The following FRMD4B variants were observed in gnomAD, a reference collection of about 807,000 sequenced individuals.
FRMD4B encodes the protein FERM domain containing 4B.
In FRMD4B, 74 loss-of-function variants were observed where a neutral mutation model predicts 141.5. The observed-to-expected ratio is 0.52, with a 90% CI of 0.43 to 0.63. FRMD4B has a LOEUF of 0.63. FRMD4B is among the 30% of genes least tolerant of loss of function. The pLI is 0.00. For missense variants in FRMD4B, 1,366 were observed against 1,253.4 expected, an observed-to-expected ratio of 1.09 and a Z score of -1.36; for synonymous variants, 506 against 467.9, an observed-to-expected ratio of 1.08 and a Z score of -1.05.
intron 1 of FRMD4B, among the ~76,000 whole-genome samples, chr3:69,515,305 C>T (rs9823630): frequency 0.59 from 90,308 of 152,066 alleles, 28,747 homozygotes; most frequent in African/African-American, 0.85. Context: ...CCTCCTACGT[C>T]GGGGATTACA....
At chr3:69,172,879 T>C (rs944565119) in intron 22 of FRMD4B, among the ~76,000 whole-genome samples, 1 of 152,246 alleles carries the variant, frequency 6.6e-6, no homozygotes, top group South Asian at 2.1e-4. Context: ...AGGTGATTTT[T>C]TTTTTAAAGT....
chr3:69,371,268 G>A (rs1321399441), intron 1 of FRMD4B, among the ~76,000 whole-genome samples: 1 of 152,246 alleles, frequency 6.6e-6, no homozygotes, highest in Non-Finnish European at 1.5e-5. Flanking sequence ...GGGACAGCAA[G>A]GAGGCCAGGG....
chr3:69,247,281 C>T (rs553240208), intron 7 of FRMD4B, among the ~76,000 whole-genome samples: 1 of 152,210 alleles, frequency 6.6e-6, no homozygotes, highest in South Asian at 2.1e-4. Flanking sequence ...ACAGCCTTGA[C>T]TGGGGCTAAG....
chr3:69,198,659 A>T (rs1307557100), intron 12 of FRMD4B, 39 bp downstream of exon 12: 11 of 953,626 alleles, frequency 1.2e-5, no homozygotes, highest in Admixed American at 2.0e-5. Flanking sequence ...TTATTTGTAT[A>T]GTAACTGTGT....
chr3:69,203,461 C>T (rs1166043744), intron 11 of FRMD4B, among the ~76,000 whole-genome samples: 2 of 151,884 alleles, frequency 1.3e-5, no homozygotes, highest in Non-Finnish European at 2.9e-5. Context: ...ATTTCTTTTC[C>T]ATCAACAGAT....
intron 1 of FRMD4B, among the ~76,000 whole-genome samples, chr3:69,350,826 G>C (rs1446842506): frequency 1.2e-4 from 17 of 143,730 alleles, no homozygotes; most frequent in Admixed American, 1.1e-3. Flanking sequence ...GCCTGCCTTG[G>C]GGTGTGGGGA....
rs577805704 is a variant in FRMD4B at position 69,317,549 on chromosome 3, C to T, written c.163-4032G>A. 8.5e-5 allele frequency among the ~76,000 whole-genome samples: 13 copies of T among 152,102 alleles called. No homozygotes were observed. In the South Asian group the frequency reaches 2.1e-3, roughly 24 times the overall value. On this transcript the variant is annotated intron_variant, in intron 1 of 22. Transcript: ENST00000398540. ...ATCACTTGAGGTCAGAAGTTCTAAA[C>T]CAGCCTGGCCAACATGGTAATGGTA...
intron 13 of FRMD4B, chr3:69,196,698 G>T: frequency 1.7e-6 from 1 of 577,888 alleles, no homozygotes; most frequent in Non-Finnish European, 3.0e-6. Context: ...CCAAAAAGTT[G>T]GCCAGTCTTA....
chr3:69,177,861 C>T (rs2092664559), intron 21 of FRMD4B, among the ~76,000 whole-genome samples: 1 of 152,040 alleles, frequency 6.6e-6, no homozygotes, highest in South Asian at 2.1e-4. Flanking sequence ...CCAAAGACAA[C>T]ACTGGCCGCT....
At position 69,176,638 on chromosome 3, in the gene FRMD4B, G is replaced by T; in HGVS notation, c.2870C>A (p.Ser957Tyr). ...SYSSVSSTNA[S>Y]GNWRTQLTIG... is the part of the protein sequence containing the mutation. ...GGTTAACTGGGTCCTCCAGTTCCCA[G>T]AAGCATTTGTAGAAGACACTGGAAA... The change falls in exon 22 of 23, where the codon TCT (serine) becomes TAT (tyrosine). Residue 957 changes from serine to tyrosine, a missense_variant. Transcript: ENST00000398540. 1 of 1,603,230 alleles carries T rather than the reference G, an allele frequency of 6.2e-7. No homozygotes were observed. Among genetic ancestry groups the T allele is most frequent in the Non-Finnish European group, 8.5e-7 (1 of 1,170,388 alleles).
intron 21 of FRMD4B, among the ~76,000 whole-genome samples, chr3:69,180,463 C>A (rs2092693854): frequency 6.6e-6 from 1 of 151,976 alleles, no homozygotes; most frequent in Non-Finnish European, 1.5e-5. Context: ...AGGGTTTATT[C>A]TTTTAAAATA....
At chr3:69,258,878 T>C (rs765794938) in intron 5 of FRMD4B, among the ~76,000 whole-genome samples, 11 of 152,170 alleles carry the variant, frequency 7.2e-5, no homozygotes, top group East Asian at 1.9e-4. Context: ...ATCTGCAAAA[T>C]AGAAGATAAT....
At chr3:69,407,989 C>G (rs17005847) in intron 2 of FRMD4B, among the ~76,000 whole-genome samples, 45,559 of 151,972 alleles carry the variant, frequency 0.3, 7,081 homozygotes, top group East Asian at 0.44. Flanking sequence ...GGTCATCCGG[C>G]TCAGCACACT....
intron 1 of FRMD4B, among the ~76,000 whole-genome samples, chr3:69,330,415 C>T (rs769415057): frequency 2.2e-4 from 29 of 129,072 alleles, no homozygotes; most frequent in African/African-American, 7.9e-4. Flanking sequence ...GGGGTGATCT[C>T]GGCTTACTGC....
intron 1 of FRMD4B, among the ~76,000 whole-genome samples, chr3:69,478,145 C>G (rs1224514067): frequency 6.6e-6 from 1 of 152,110 alleles, no homozygotes; most frequent in Non-Finnish European, 1.5e-5. Flanking sequence ...TTGATCCTTT[C>G]AAAAAACCAG....
In FRMD4B at chr3:69,171,696, G is replaced by A; in HGVS notation, c.*165C>T. ...AATCCTCCTTTAGGGGCTTTGTGGG[G>A]CTTGGTGTGTGATTCACTGATTCAC... On this transcript the variant is annotated 3_prime_UTR_variant, in exon 23 of 23. Transcript: ENST00000398540. The A allele has an allele frequency of 1.5e-6, 1 of 663,450 alleles. No homozygotes were observed. The highest frequency in any genetic ancestry group is 2.6e-6 in the Non-Finnish European group (1 of 384,422). 41.1% of individuals were successfully genotyped at this position (663,450 alleles called of 1,614,324 possible). A position where few individuals can be genotyped will look rare whatever the true frequency, so the allele number is the denominator to read the frequency against.
chr3:69,533,241 G>A (rs574362010), intron 1 of FRMD4B, among the ~76,000 whole-genome samples: 1 of 152,338 alleles, frequency 6.6e-6, no homozygotes, highest in East Asian at 1.9e-4. Flanking sequence ...TGTGAGGCAG[G>A]CTCTTGGGAG....
intron 7 of FRMD4B, among the ~76,000 whole-genome samples, chr3:69,235,081 C>T (rs959635774): frequency 2.7e-5 from 4 of 150,668 alleles, no homozygotes; most frequent in Non-Finnish European, 5.9e-5. Context: ...ACCCAGGAGG[C>T]GGAGTTTACA....
At chr3:69,226,799 G>A (rs757448787) in intron 7 of FRMD4B, among the ~76,000 whole-genome samples, 2 of 152,174 alleles carry the variant, frequency 1.3e-5, no homozygotes, top group African/African-American at 2.4e-5. Context: ...AGCCAAAAGG[G>A]AAAGGAGAAT....
Sources: gnomAD v4.1 joint callset for allele counts (sites outside exome capture counted in the v4.1 genomes callset) on GRCh38, gnomAD v4.1.1 for gene constraint, MANE v1.5 for transcripts, NCBI Gene and HGNC (gene_info 2026-07-23, HGNC 2026-07-21) for gene names.